BAZ2B: variants seen among roughly 807,000 people sequenced by gnomAD.
BAZ2B encodes bromodomain adjacent to zinc finger domain 2B.
BAZ2B carries 91 observed loss-of-function variants against 246.0 expected under a neutral mutation model. The observed-to-expected ratio is 0.37, with a 90% CI of 0.31 to 0.44. The LOEUF (loss-of-function observed/expected upper bound fraction) is 0.44, where lower values mean the gene tolerates loss of function less well. Ranked by LOEUF, BAZ2B falls within the 20% of genes least tolerant of loss-of-function variation. The probability of loss-of-function intolerance (pLI) is 1.00; values close to 1 mark genes in which losing one functional copy is unlikely to be tolerated. For missense variants in BAZ2B, 2,332 were observed against 2,533.7 expected (o/e 0.92, Z 1.71); for synonymous variants, 855 against 860.0 (o/e 0.99, Z 0.10).
chr2:159,593,806 C>T (rs1221457035), intron 1 of BAZ2B, among the ~76,000 whole-genome samples: 2 of 152,232 alleles, frequency 1.3e-5, no homozygotes, highest in Admixed American at 6.5e-5. Context: ...TGTCTTGGAA[C>T]GTATCTCCTC....
At chr2:159,676,674 C>G in the BAZ2B span, among the ~76,000 whole-genome samples, 7 of 151,794 alleles carry the variant, frequency 4.6e-5, 1 homozygote, top group East Asian at 1.2e-3. Flanking sequence ...CACACACACA[C>G]ACACACAGAG....
chr2:159,405,278 C>G (rs568221586), intron 14 of BAZ2B, among the ~76,000 whole-genome samples, 164 bp from the exon 15 acceptor site: 1 of 151,984 alleles, frequency 6.6e-6, no homozygotes, highest in South Asian at 2.1e-4. Flanking sequence ...GTGGTGCGAT[C>G]GCGGCTCACT....
rs2062674519 is a variant in BAZ2B at position 159,386,515 on chromosome 2, A to G, written c.3309T>C (p.Phe1103=). ...TCACATCAAAGCCCAAAACTTTACC[A>G]AAGTTTCGTAAGAACTGCACCACCA... is the stretch of plus-strand genomic sequence containing the variant. The part of the protein sequence containing the change: ...CLMVVQFLRN[F]GKVLGFDVNI... Residue 1103 remains phenylalanine, a synonymous_variant, in exon 22 of 37, where the codon TTT becomes TTC. Transcript: ENST00000392783. 2 of 1,613,536 alleles carry G rather than the reference A, an allele frequency of 1.2e-6. No individual in the cohort carries two copies. The highest frequency in any genetic ancestry group is 1.1e-5 in the South Asian group (1 of 91,068).
chr2:159,704,757 G>C, the BAZ2B span, among the ~76,000 whole-genome samples: 131,261 of 151,986 alleles, frequency 0.86, 56,899 homozygotes, highest in Middle Eastern at 0.95. Flanking sequence ...GTTAGGATTA[G>C]AGGCGTGAGC....
chr2:159,504,758 A>G (rs1043001363), intron 2 of BAZ2B, among the ~76,000 whole-genome samples: 21 of 152,186 alleles, frequency 1.4e-4, no homozygotes, highest in Admixed American at 2.6e-4. Flanking sequence ...ATAAAAGGCA[A>G]ATAGGGTTCT....
At chr2:159,322,994 CTT>C (rs71406166) in intron 36 of BAZ2B, among the ~76,000 whole-genome samples, 131 of 137,186 alleles carry the variant, frequency 9.5e-4, no homozygotes, top group Non-Finnish European at 1.2e-3. Flanking sequence ...GATTTTGTAG[CTT>C]TTTTTTTTTT....
In BAZ2B at chr2:159,332,528, G is replaced by C. The variant is rs771140073; in HGVS notation, c.5943+12C>G. 1.3e-6 allele frequency: 2 copies of C among 1,581,918 alleles called. No homozygotes were observed. Among genetic ancestry groups the C allele is most frequent in the Non-Finnish European group, 1.7e-6 (2 of 1,169,574 alleles). Reference sequence around the variant, plus strand: ...AAATAAAATGAAAAGTTTAGTTTTAGATTGGTCTTACCTTAGCAATGCAAG... The same window carrying C: ...AAATAAAATGAAAAGTTTAGTTTTACATTGGTCTTACCTTAGCAATGCAAG... On this transcript the variant is annotated intron_variant, in intron 34 of 36. Transcript: ENST00000392783.
chr2:159,650,524 T>C, the BAZ2B span, among the ~76,000 whole-genome samples: 7 of 152,288 alleles, frequency 4.6e-5, no homozygotes, highest in South Asian at 1.5e-3. Flanking sequence ...ACTATTCCTA[T>C]TCCTGTGAGA....
At chr2:159,401,790 A>T (rs1343612741) in intron 16 of BAZ2B, among the ~76,000 whole-genome samples, 1 of 152,162 alleles carries the variant, frequency 6.6e-6, no homozygotes, top group African/African-American at 2.4e-5. Flanking sequence ...TAGCAATTTC[A>T]TGTTCCTTAA....
chr2:159,410,223 T>G (rs2066601073), intron 14 of BAZ2B, among the ~76,000 whole-genome samples: 1 of 152,210 alleles, frequency 6.6e-6, no homozygotes, highest in Non-Finnish European at 1.5e-5. Context: ...GCCTGTTAAT[T>G]TATTGACTTT....
Position 159,412,694 on chromosome 2 carries a change from C to G in BAZ2B, c.2467-149G>C, listed in dbSNP as rs532499807. 1.1e-5 allele frequency: 8 copies of G among 711,148 alleles called. No homozygotes were observed. In the Admixed American group the frequency reaches 2.1e-4, roughly 18 times the overall value. The allele number at this position is 711,148 out of a possible 1,614,324, so 44.1% of individuals were successfully genotyped here. A position where few individuals can be genotyped will look rare whatever the true frequency, so the allele number is the denominator to read the frequency against. On this transcript the variant is annotated intron_variant, in intron 13 of 36. Coordinates refer to ENST00000392783, the MANE Select transcript of BAZ2B (RefSeq NM_013450.4). ...TTAGGAATTTCATTTTTAAATTAAACTTAGATGTATAATTATTCATGGCCT... is the reference window on the plus strand; with the variant it reads ...TTAGGAATTTCATTTTTAAATTAAAGTTAGATGTATAATTATTCATGGCCT...
At chr2:159,614,637 TACA>T (rs1157283119) in intron 1 of BAZ2B, among the ~76,000 whole-genome samples, 2 of 151,060 alleles carry the variant, frequency 1.3e-5, no homozygotes, top group Non-Finnish European at 3.0e-5. Context: ...AAAAAAAAAG[TACA>T]CAAAAACCAG....
intron 4 of BAZ2B, among the ~76,000 whole-genome samples, chr2:159,449,061 T>C (rs2074660395): frequency 6.6e-6 from 1 of 152,166 alleles, no homozygotes; most frequent in Non-Finnish European, 1.5e-5. Flanking sequence ...TTAAAGTTAA[T>C]GATGAAAGCC....
At chr2:159,421,275 A>G (rs1223813918) in intron 13 of BAZ2B, among the ~76,000 whole-genome samples, 1 of 152,070 alleles carries the variant, frequency 6.6e-6, no homozygotes, top group East Asian at 1.9e-4. Context: ...CGTGGGCTAA[A>G]GCAGTCCTTC....
At chr2:159,643,761 A>G in the BAZ2B span, among the ~76,000 whole-genome samples, 1 of 151,600 alleles carries the variant, frequency 6.6e-6, no homozygotes, top group Admixed American at 6.6e-5. Context: ...CTGTAATCCC[A>G]GCTACTCAGG....
At chr2:159,505,358 T>C (rs1026283832) in intron 2 of BAZ2B, among the ~76,000 whole-genome samples, 1 of 152,166 alleles carries the variant, frequency 6.6e-6, no homozygotes, top group African/African-American at 2.4e-5. Flanking sequence ...CAAATATATA[T>C]AAATCTGTGA....
chr2:159,403,708 G>A (rs2065458620), intron 16 of BAZ2B, among the ~76,000 whole-genome samples: 1 of 152,172 alleles, frequency 6.6e-6, no homozygotes, highest in Non-Finnish European at 1.5e-5. Flanking sequence ...GGTGGTAAAA[G>A]AGTACACTGT....
At chr2:159,581,614 C>T (rs1379504170) in intron 1 of BAZ2B, among the ~76,000 whole-genome samples, 6 of 152,088 alleles carry the variant, frequency 3.9e-5, no homozygotes, top group African/African-American at 9.7e-5. Flanking sequence ...TATAAAGACA[C>T]ATGCACATGT....
At chr2:159,346,444 C>G (rs920405214) in intron 31 of BAZ2B, among the ~76,000 whole-genome samples, 1 of 152,128 alleles carries the variant, frequency 6.6e-6, no homozygotes, top group African/African-American at 2.4e-5. Context: ...GTGGCTCATG[C>G]CTGTAATCCC....
Sources: allele counts gnomAD v4.1 joint callset (sites outside exome capture counted in the v4.1 genomes callset), GRCh38; gene constraint gnomAD v4.1.1; transcripts MANE v1.5; gene names NCBI Gene and HGNC (gene_info 2026-07-23, HGNC 2026-07-21).